COL4A3: variants seen among roughly 807,000 people sequenced by gnomAD.
The protein encoded by COL4A3 is collagen type IV alpha 3 chain.
In COL4A3, 135 loss-of-function variants were observed where a neutral mutation model predicts 217.4. The observed-to-expected ratio is 0.62, with a 90% CI of 0.54 to 0.72. The LOEUF is 0.72. Ranked by LOEUF, COL4A3 falls within the 30% of genes least tolerant of loss-of-function variation. The probability of loss-of-function intolerance (pLI) is 0.00; values close to 1 mark genes in which losing one functional copy is unlikely to be tolerated. For missense variants in COL4A3, 1,868 were observed against 2,119.9 expected (o/e 0.88, Z 2.33); for synonymous variants, 690 against 736.3 (o/e 0.94, Z 1.02).
chr2:227,287,375 G>T (rs1320601472), intron 34 of COL4A3, among the ~76,000 whole-genome samples: 1 of 151,660 alleles, frequency 6.6e-6, no homozygotes, highest in African/African-American at 2.4e-5. Context: ...AGGTTGCAGT[G>T]AGCTGAGATT....
At chr2:227,254,777 G>C (rs2070044292) in intron 15 of COL4A3, 62 bp downstream of exon 15, 1 of 1,207,040 alleles carries the variant, frequency 8.3e-7, no homozygotes, top group Non-Finnish European at 1.2e-6. Flanking sequence ...GACTCTTTAG[G>C]TTACAGGAAC....
At chr2:227,289,023 T>A (rs1020173540) in intron 34 of COL4A3, 127 bp from the exon 35 acceptor site, 3 of 644,926 alleles carry the variant, frequency 4.7e-6, no homozygotes, top group Admixed American at 4.3e-5. Context: ...CGATCTCAGC[T>A]CACTTCAACC....
chr2:227,184,276 T>C (rs979227545), intron 1 of COL4A3, among the ~76,000 whole-genome samples: 1 of 152,224 alleles, frequency 6.6e-6, no homozygotes, highest in Non-Finnish European at 1.5e-5. Context: ...TTACCCAAGA[T>C]GGACAAGGGA....
rs1281398240 is a variant in COL4A3, at chr2:227,282,436, G to A, written c.2560G>A (p.Glu854Lys). The A allele has an allele frequency of 6.2e-7, 1 of 1,613,980 alleles. No individual in the cohort carries two copies. The highest frequency in any genetic ancestry group is 1.3e-5 in the African/African-American group (1 of 74,992). The change falls in exon 32 of 52, where the codon GAA becomes AAA. Residue 854 changes from glutamate (E) to lysine (K), a missense_variant. By Grantham distance (56) the Glu-to-Lys change is moderately conservative. Transcript: ENST00000396578. This position sits in a 1 kb window ranked among gnomAD's most constrained non-coding sequence, Gnocchi z 4.4. ...PGLDRSGFPG[E>K]TGSPGIPGHQ... ...CTTGGATAGATCAGGATTTCCTGGAGAAACTGGATCACCAGGAATTCCAGG... is the reference window on the plus strand; with the variant it reads ...CTTGGATAGATCAGGATTTCCTGGAAAAACTGGATCACCAGGAATTCCAGG...
At chr2:227,166,569 C>T (rs2065287402) in intron 1 of COL4A3, among the ~76,000 whole-genome samples, 2 of 152,160 alleles carry the variant, frequency 1.3e-5, no homozygotes, top group South Asian at 4.1e-4. Flanking sequence ...TTGTTACATT[C>T]CTTTGTTATT....
At chr2:227,245,065 A>T in intron 5 of COL4A3, 70 bp downstream of exon 5, 1 of 1,469,464 alleles carries the variant, frequency 6.8e-7, no homozygotes, top group Non-Finnish European at 9.5e-7. Context: ...ATGTTAAAAC[A>T]GTCGTGCAAG....
intron 50 of COL4A3, among the ~76,000 whole-genome samples, chr2:227,310,015 C>T (rs565505122): frequency 3.3e-5 from 5 of 152,288 alleles, no homozygotes; most frequent in African/African-American, 1.2e-4. Flanking sequence ...CTATCATTTA[C>T]AGTTTTACAA....
chr2:227,245,004 T>C lies in COL4A3; in HGVS notation c.324+9T>C, dbSNP rs904160606. On this transcript the variant is annotated intron_variant, in intron 5 of 51. Transcript: ENST00000396578. ...GTTCTCCTGGACTTCCAGTAAGTAA[T>C]GGGAAAAATCCGTAGCTAGAAAATT... The C allele has an allele frequency of 6.2e-7, 1 of 1,611,944 alleles. No homozygotes were observed. Among genetic ancestry groups the C allele is most frequent in the Admixed American group, 1.7e-5 (1 of 59,966 alleles).
At chr2:227,237,340 T>C (rs1342895342) in intron 1 of COL4A3, among the ~76,000 whole-genome samples, 4 of 152,166 alleles carry the variant, frequency 2.6e-5, no homozygotes, top group Admixed American at 2.6e-4. Context: ...ACCTATGGAA[T>C]ATATTGCATA....
intron 1 of COL4A3, among the ~76,000 whole-genome samples, chr2:227,165,297 G>T (rs2065205007): frequency 6.6e-6 from 1 of 152,108 alleles, no homozygotes; most frequent in African/African-American, 2.4e-5. Context: ...CCTCTCTGGG[G>T]CTCAGTTTCT....
rs1206325876 is a variant in COL4A3, at chr2:227,311,905, C to A, written c.*35C>A. Reference sequence around the variant, plus strand: ...AGACAGCAGAACTGCTATTTTTCATCCTAAAGAACAAAGTAATGACAGAAC... The same window carrying A: ...AGACAGCAGAACTGCTATTTTTCATACTAAAGAACAAAGTAATGACAGAAC... On this transcript the variant is annotated 3_prime_UTR_variant, in exon 52 of 52. Transcript: ENST00000396578. 1.2e-6 allele frequency: 2 copies of A among 1,612,310 alleles called. No individual in the cohort carries two copies. The highest frequency in any genetic ancestry group is 1.7e-6 in the Non-Finnish European group (2 of 1,179,070).
intron 1 of COL4A3, among the ~76,000 whole-genome samples, chr2:227,174,540 T>C (rs2065606126): frequency 6.6e-6 from 1 of 152,158 alleles, no homozygotes; most frequent in Non-Finnish European, 1.5e-5. Flanking sequence ...GGAGTCTTGC[T>C]CTGTCACCCA....
At chr2:227,174,483 C>G (rs929582150) in intron 1 of COL4A3, among the ~76,000 whole-genome samples, 6 of 151,336 alleles carry the variant, frequency 4.0e-5, no homozygotes, top group African/African-American at 1.5e-4. Context: ...GCATATCCAG[C>G]GTTTTTAGTC....
At chr2:227,278,982 C>G (rs2071764541) in intron 28 of COL4A3, among the ~76,000 whole-genome samples, 1 of 152,150 alleles carries the variant, frequency 6.6e-6, no homozygotes, top group Non-Finnish European at 1.5e-5. Flanking sequence ...GAAGTTAATC[C>G]CTTGCATGCA....
chr2:227,190,749 A>T (rs1289167530), intron 1 of COL4A3, among the ~76,000 whole-genome samples: 1 of 152,194 alleles, frequency 6.6e-6, no homozygotes, highest in African/African-American at 2.4e-5. Flanking sequence ...TCTACAAAAA[A>T]TTAAAAAATT....
chr2:227,296,315 G>T (rs2073026725), intron 41 of COL4A3: 1 of 160,912 alleles, frequency 6.2e-6, no homozygotes, highest in Admixed American at 6.5e-5. Flanking sequence ...AAGGAGAGTT[G>T]CTCTTCATGT....
rs1218170810 is a variant in COL4A3 at position 227,304,973 on chromosome 2, G to C, written c.4154-12G>C. 6.2e-7 allele frequency: 1 copy of C among 1,610,976 alleles called. No homozygotes were observed. Among genetic ancestry groups the C allele is most frequent in the Non-Finnish European group, 8.5e-7 (1 of 1,177,666 alleles). ...TATGATAAAATGCAATACAATGTTG[G>C]TTTTTGCCTAGGACCCTGTGGGCCA... is the stretch of plus-strand genomic sequence containing the variant. On this transcript the variant is annotated splice_polypyrimidine_tract_variant and intron_variant, in intron 46 of 51. Coordinates refer to ENST00000396578, the MANE Select transcript of COL4A3 (RefSeq NM_000091.5).
At chr2:227,276,653 C>T (rs1559890539) in intron 27 of COL4A3, among the ~76,000 whole-genome samples, 176 bp downstream of exon 27, 1 of 152,246 alleles carries the variant, frequency 6.6e-6, no homozygotes, top group Non-Finnish European at 1.5e-5. Context: ...CTATAGTTCT[C>T]TGAGGTTATC....
chr2:227,166,453 G>T (rs2065283123), intron 1 of COL4A3, among the ~76,000 whole-genome samples: 1 of 152,232 alleles, frequency 6.6e-6, no homozygotes, highest in Non-Finnish European at 1.5e-5. Context: ...AGAAGAACAG[G>T]AATGAGATTG....
Sources: allele counts gnomAD v4.1 joint callset (sites outside exome capture counted in the v4.1 genomes callset), GRCh38; gene constraint gnomAD v4.1.1; non-coding constraint Gnocchi (gnomAD v3.1); transcripts MANE v1.5; gene names NCBI Gene and HGNC (gene_info 2026-07-23, HGNC 2026-07-21).